FHIT: variants seen among roughly 807,000 people sequenced by gnomAD.
The protein encoded by FHIT is bis(5'-adenosyl)-triphosphatase.
In FHIT, 19 loss-of-function variants were observed where a neutral mutation model predicts 17.9. The observed-to-expected ratio is 1.06, with a 90% CI of 0.74 to 1.56. The LOEUF (loss-of-function observed/expected upper bound fraction) is 1.56, where lower values mean the gene tolerates loss of function less well. FHIT is among the 40% of genes most tolerant of loss of function. The pLI is 0.00. For missense variants in FHIT, 248 were observed against 189.2 expected, an observed-to-expected ratio of 1.31 and a Z score of -1.82; for synonymous variants, 81 against 69.7, an observed-to-expected ratio of 1.16 and a Z score of -0.81.
chr3:60,469,844 A>T (rs926652707), intron 5 of FHIT, among the ~76,000 whole-genome samples: 1 of 152,102 alleles, frequency 6.6e-6, no homozygotes, highest in Non-Finnish European at 1.5e-5. Flanking sequence ...GTTTTTGGTC[A>T]CTTTACCCGT....
intron 5 of FHIT, among the ~76,000 whole-genome samples, chr3:60,378,674 A>G (rs2107101337): frequency 6.6e-6 from 1 of 152,330 alleles, no homozygotes; most frequent in African/African-American, 2.4e-5. Flanking sequence ...TTTTGCTACT[A>G]TGGTAATTTC....
chr3:60,758,203 G>A (rs1300985118), intron 4 of FHIT, among the ~76,000 whole-genome samples: 1 of 152,126 alleles, frequency 6.6e-6, no homozygotes, highest in Non-Finnish European at 1.5e-5. Flanking sequence ...TCTCCCTCAG[G>A]TCCCAATAAC....
At chr3:61,112,446 A>G (rs1408118565) in intron 2 of FHIT, among the ~76,000 whole-genome samples, 1 of 152,090 alleles carries the variant, frequency 6.6e-6, no homozygotes, top group Non-Finnish European at 1.5e-5. Flanking sequence ...CGCAGTCAGG[A>G]AGGCCAATGA....
intron 5 of FHIT, among the ~76,000 whole-genome samples, chr3:60,065,687 C>T (rs1335665302): frequency 6.6e-6 from 1 of 152,170 alleles, no homozygotes; most frequent in East Asian, 1.9e-4. Flanking sequence ...CTGAATTACA[C>T]ATCTACAGAG....
chr3:60,371,433 C>T (rs759608573), intron 5 of FHIT, among the ~76,000 whole-genome samples: 12 of 151,806 alleles, frequency 7.9e-5, no homozygotes, highest in Non-Finnish European at 1.3e-4. Flanking sequence ...TCATAACTCA[C>T]GGCAAACTTG....
In FHIT at chr3:61,020,446, C is replaced by A. The variant is rs556832903; in HGVS notation, c.-111+21601G>T. 1.1e-3 allele frequency among the ~76,000 whole-genome samples: 171 copies of A among 152,152 alleles called. 1 individual carries two copies. Among genetic ancestry groups the A allele is most frequent in the African/African-American group, 4.0e-3 (167 of 41,516 alleles). On this transcript the variant is annotated intron_variant, in intron 3 of 9. Coordinates refer to ENST00000492590, the MANE Select transcript of FHIT (RefSeq NM_002012.4). ...TAGATTCTGGATCTTAGCACTTTGT[C>A]TGATGGATAGATTGCAAAGATTTTC... is the stretch of plus-strand genomic sequence containing the variant.
In FHIT at chr3:60,122,804, T is replaced by G. The variant is rs114468916; in HGVS notation, c.104-108652A>C. 7.4e-3 allele frequency among the ~76,000 whole-genome samples: 1,134 copies of G among 152,332 alleles called. 17 individuals carry two copies. Among genetic ancestry groups the G allele is most frequent in the African/African-American group, 0.025 (1,044 of 41,562 alleles). On this transcript the variant is annotated intron_variant, in intron 5 of 9. Coordinates refer to ENST00000492590, the MANE Select transcript of FHIT (RefSeq NM_002012.4). ...ACCATTTAGAAGGGAAGAATAAATG[T>G]TAGTTAAACTTTAAAGATTAAATTA...
intron 5 of FHIT, among the ~76,000 whole-genome samples, chr3:60,391,861 T>G (rs772572115): frequency 1.3e-5 from 2 of 152,160 alleles, no homozygotes; most frequent in Non-Finnish European, 2.9e-5. Context: ...CATTATTATA[T>G]GTATTAAAAT....
intron 4 of FHIT, among the ~76,000 whole-genome samples, chr3:60,643,498 T>G (rs1553685942): frequency 6.6e-6 from 1 of 152,196 alleles, no homozygotes; most frequent in East Asian, 1.9e-4. Flanking sequence ...GACTTCAGAC[T>G]ATACTACGAG....
At chr3:61,039,193 A>G (rs554639636) in intron 3 of FHIT, among the ~76,000 whole-genome samples, 1 of 152,332 alleles carries the variant, frequency 6.6e-6, no homozygotes, top group South Asian at 2.1e-4. Context: ...GGTGCCTGAC[A>G]CACAGCAAAT....
Position 60,833,460 on chromosome 3 carries a change from G to A in FHIT, c.-110-11449C>T, listed in dbSNP as rs140149009. On this transcript the variant is annotated intron_variant, in intron 3 of 9. Transcript: ENST00000492590. ...CTAGAATCTCAGTTTAGATTTTACC[G>A]TTTCTCTCCCCTTTTAAATCAGTCC... is the stretch of plus-strand genomic sequence containing the variant. 8.0e-3 allele frequency among the ~76,000 whole-genome samples: 1,223 copies of A among 152,170 alleles called. 12 individuals carry two copies. Among genetic ancestry groups the A allele is most frequent in the African/African-American group, 0.026 (1,061 of 41,520 alleles).
At position 60,276,366 on chromosome 3, in the gene FHIT, T is replaced by C. The variant is rs150718186; in HGVS notation, c.103+260494A>G. ...GCAGATGAAGTCTAAAATACTCTGC[T>C]TATTTTGTGAAAAGACCAGGCATTC... On this transcript the variant is annotated intron_variant, in intron 5 of 9. Coordinates refer to ENST00000492590, the MANE Select transcript of FHIT (RefSeq NM_002012.4). 1.7e-3 allele frequency among the ~76,000 whole-genome samples: 259 copies of C among 152,268 alleles called. 2 individuals are homozygous for C. In the East Asian group the frequency reaches 0.028, roughly 16 times the overall value.
intron 5 of FHIT, among the ~76,000 whole-genome samples, chr3:60,150,462 G>A (rs62240254): frequency 0.23 from 34,890 of 152,032 alleles, 4,187 homozygotes; most frequent in Middle Eastern, 0.37. Context: ...AATTCCATCT[G>A]GCTTTGGTTA....
At chr3:60,710,653 C>T (rs543335285) in intron 4 of FHIT, among the ~76,000 whole-genome samples, 6 of 152,204 alleles carry the variant, frequency 3.9e-5, no homozygotes, top group Admixed American at 6.5e-5. Flanking sequence ...CCTACACCCA[C>T]GGAGTCTCAC....
chr3:60,668,267 G>C (rs1577049197), intron 4 of FHIT, among the ~76,000 whole-genome samples: 1 of 150,426 alleles, frequency 6.6e-6, no homozygotes, highest in African/African-American at 2.4e-5. Context: ...GGAGAGCAGA[G>C]TCCTTCCTCT....
intron 3 of FHIT, among the ~76,000 whole-genome samples, chr3:60,854,069 A>G (rs1456576736): frequency 6.6e-6 from 1 of 152,150 alleles, no homozygotes; most frequent in East Asian, 1.9e-4. Context: ...AAATGTTCAG[A>G]TTCACCAGTG....
chr3:60,183,574 C>T (rs1489442589), intron 5 of FHIT, among the ~76,000 whole-genome samples: 1 of 152,148 alleles, frequency 6.6e-6, no homozygotes, highest in Non-Finnish European at 1.5e-5. Flanking sequence ...GTTCCACAGA[C>T]ATTCTGGGTA....
At chr3:61,034,448 C>CA (rs929416796) in intron 3 of FHIT, among the ~76,000 whole-genome samples, 2 of 151,724 alleles carry the variant, frequency 1.3e-5, no homozygotes, top group African/African-American at 4.8e-5. Flanking sequence ...ACAAAAACAA[C>CA]AAAAAAACCA....
chr3:60,450,118 G>A (rs1030518008), intron 5 of FHIT, among the ~76,000 whole-genome samples: 2 of 151,918 alleles, frequency 1.3e-5, no homozygotes, highest in African/African-American at 4.8e-5. Flanking sequence ...GTGAGCCAGT[G>A]AGGGAGTGGT....
Sources: gnomAD v4.1 joint callset for allele counts (sites outside exome capture counted in the v4.1 genomes callset) on GRCh38, gnomAD v4.1.1 for gene constraint, MANE v1.5 for transcripts, NCBI Gene and HGNC (gene_info 2026-07-23, HGNC 2026-07-21) for gene names.